SPRTN: variants seen among roughly 807,000 people sequenced by gnomAD.
SPRTN encodes the protein SprT-like N-terminal domain.
A neutral mutation model predicts 31.9 loss-of-function variants in SPRTN; 11 were observed. The ratio of observed to expected loss-of-function variants is 0.34; its 90% confidence interval spans 0.22 to 0.57. The LOEUF is 0.57. Ranked by LOEUF, SPRTN falls within the 20% of genes least tolerant of loss-of-function variation. The pLI is 0.86. For missense variants in SPRTN, 482 were observed against 590.1 expected (o/e 0.82, Z 1.90); for synonymous variants, 185 against 212.1 (o/e 0.87, Z 1.11).
chr1:231,350,783 G>C (rs1184084879), intron 3 of SPRTN, among the ~76,000 whole-genome samples: 1 of 151,904 alleles, frequency 6.6e-6, no homozygotes, highest in African/African-American at 2.4e-5. Context: ...TGGAGAGTGA[G>C]CTTAGCAGAA....
In SPRTN at chr1:231,339,607, G is replaced by T. The variant is rs1041221494; in HGVS notation, c.222-162G>T. ...ATCGCGGGAGGCGCCCGCGGGGGTT[G>T]TAACTAATTAATTAGGTGAAATGCA... On this transcript the variant is annotated intron_variant, in intron 1 of 4. Transcript: ENST00000295050. 6.0e-6 allele frequency: 5 copies of T among 829,692 alleles called. No individual in the cohort carries two copies. In the Admixed American group the frequency reaches 8.5e-5, roughly 14 times the overall value. 51.4% of individuals were successfully genotyped at this position (829,692 alleles called of 1,614,324 possible).
intron 2 of SPRTN, among the ~76,000 whole-genome samples, chr1:231,343,628 T>TC (rs1408123746): frequency 2.0e-5 from 3 of 152,080 alleles, no homozygotes; most frequent in Non-Finnish European, 4.4e-5. Flanking sequence ...ACGTCGTCTT[T>TC]ACCACAGCCA....
chr1:231,353,640 G>T lies in SPRTN; in HGVS notation c.*279G>T. ...TACTTTTGTTCTTTCTTGCTCTTAA[G>T]GATTTTAAAAACCTGTTAATCTTTT... is the stretch of plus-strand genomic sequence containing the variant. On this transcript the variant is annotated 3_prime_UTR_variant, in exon 5 of 5. Transcript: ENST00000295050. 4 of 1,069,618 alleles carry T rather than the reference G, an allele frequency of 3.7e-6. No homozygotes were observed. Among genetic ancestry groups the T allele is most frequent in the South Asian group, 4.2e-5 (1 of 23,928 alleles). 66.3% of individuals were successfully genotyped at this position (1,069,618 alleles called of 1,614,324 possible).
At chr1:231,347,729 TAAG>T in intron 2 of SPRTN, 65 bp from the exon 3 acceptor site, 3 of 1,523,304 alleles carry the variant, frequency 2.0e-6, no homozygotes, top group Non-Finnish European at 2.6e-6. Context: ...CCAGATAGAA[TAAG>T]AAAATTTATA....
chr1:231,351,958 A>G (rs1291129677), intron 4 of SPRTN: 1 of 1,011,888 alleles, frequency 9.9e-7, no homozygotes, highest in African/African-American at 1.7e-5. Context: ...CAATAATTCA[A>G]GTAACAATGC....
rs995952125 is a variant in SPRTN, at chr1:231,352,246, A to G, written c.719-364A>G. The G allele has an allele frequency of 6.9e-6, 7 of 1,008,018 alleles. No individual in the cohort carries two copies. The African/African-American group carries it at 1.2e-4, about 17-fold the overall frequency. 62.4% of individuals were successfully genotyped at this position (1,008,018 alleles called of 1,614,324 possible). Reference sequence around the variant, plus strand: ...AGATGAATTGATATGGAAAGACCGTATCTTCATTTTCGTGAGTAGAAGGAA... The same window carrying G: ...AGATGAATTGATATGGAAAGACCGTGTCTTCATTTTCGTGAGTAGAAGGAA... On this transcript the variant is annotated intron_variant, in intron 4 of 4. Transcript: ENST00000295050.
intron 3 of SPRTN, among the ~76,000 whole-genome samples, chr1:231,349,090 C>T (rs1287101729): frequency 6.6e-6 from 1 of 152,124 alleles, no homozygotes; most frequent in Non-Finnish European, 1.5e-5. Context: ...CCCACCTCAG[C>T]CTCCTGAGTA....
At chr1:231,347,672 G>A in intron 2 of SPRTN, 125 bp from the exon 3 acceptor site, 2 of 1,169,500 alleles carry the variant, frequency 1.7e-6, no homozygotes, top group East Asian at 2.6e-5. Context: ...CCTAGAATGA[G>A]TTTTATCAGT....
Position 231,338,410 on chromosome 1 carries a change from G to T in SPRTN, c.27G>T (p.Leu9=), listed in dbSNP as rs137949115. 1.2e-6 allele frequency: 2 copies of T among 1,614,276 alleles called. No homozygotes were observed. Among genetic ancestry groups the T allele is most frequent in the South Asian group, 1.1e-5 (1 of 91,090 alleles). MDDDLMLA[L]RLQEEWNLQE... is the part of the protein sequence containing the mutation. ...TGGATGATGACTTGATGTTGGCACT[G>T]CGGCTTCAGGAGGAGTGGAACTTGC... Residue 9 remains leucine, a synonymous_variant, in exon 1 of 5, where the codon CTG becomes CTT. Coordinates refer to ENST00000295050, the MANE Select transcript of SPRTN (RefSeq NM_032018.7).
At position 231,351,403 on chromosome 1, in the gene SPRTN, AAACGAGCTACT is replaced by A; in HGVS notation, c.554_564del (p.Arg185GlnfsTer7). On this transcript the variant is annotated frameshift_variant, in exon 4 of 5. Coordinates refer to ENST00000295050, the MANE Select transcript of SPRTN (RefSeq NM_032018.7). LOFTEE classifies it high-confidence loss of function. Reference sequence around the variant, plus strand: ...CAGGCCACCGTATTACGGCTATGTCAAACGAGCTACTAACAGGGAACCCTCTGCTCATGACT... The same window carrying A: ...CAGGCCACCGTATTACGGCTATGTCAAACAGGGAACCCTCTGCTCATGACT... The A allele has an allele frequency of 6.2e-7, 1 of 1,614,138 alleles. No homozygotes were observed. The highest frequency in any genetic ancestry group is 8.5e-7 in the Non-Finnish European group (1 of 1,180,022).
chr1:231,348,540 A>T (rs1163758249), intron 3 of SPRTN, among the ~76,000 whole-genome samples: 1 of 152,198 alleles, frequency 6.6e-6, no homozygotes, highest in African/African-American at 2.4e-5. Context: ...ATTAAATATT[A>T]GTTTTATTGT....
chr1:231,339,562 G>T, intron 1 of SPRTN: 1 of 742,762 alleles, frequency 1.3e-6, no homozygotes, highest in Non-Finnish European at 2.4e-6. Context: ...TTCCTTCCTT[G>T]CCCGGCGGGG....
At chr1:231,343,433 A>G (rs1450701619) in intron 2 of SPRTN, among the ~76,000 whole-genome samples, 1 of 152,198 alleles carries the variant, frequency 6.6e-6, no homozygotes, top group East Asian at 1.9e-4. Context: ...TTTTCAGAAC[A>G]TATCCCTGCC....
At chr1:231,345,273 G>A (rs1385405655) in intron 2 of SPRTN, among the ~76,000 whole-genome samples, 3 of 151,672 alleles carry the variant, frequency 2.0e-5, no homozygotes, top group Non-Finnish European at 4.4e-5. Flanking sequence ...GATTACAGGC[G>A]CCCGCCACCA....
At chr1:231,341,632 T>C (rs922528502) in intron 2 of SPRTN, among the ~76,000 whole-genome samples, 4 of 152,102 alleles carry the variant, frequency 2.6e-5, no homozygotes, top group African/African-American at 9.7e-5. Context: ...ATACATAATC[T>C]CTCCAAAAGT....
chr1:231,348,624 T>G (rs1687132991), intron 3 of SPRTN, among the ~76,000 whole-genome samples: 1 of 152,204 alleles, frequency 6.6e-6, no homozygotes, highest in Admixed American at 6.5e-5. Flanking sequence ...TCTCTTTAAC[T>G]GCACTTTTGA....
Position 231,351,541 on chromosome 1 carries a change from A to G in SPRTN, c.688A>G (p.Lys230Glu). Residue 230 changes from lysine (K) to glutamate (E), a missense_variant, in exon 4 of 5, where the codon AAG becomes GAG. Lys to Glu is a moderately conservative substitution (Grantham distance 56). This residue lies in a region of SPRTN where 325 missense variants were observed against 350.2 expected (regional missense o/e 0.93). Transcript: ENST00000295050. The stretch of plus-strand genomic sequence containing the variant: ...AGGCAAAGGAAAGGCAAAACTAGGA[A>G]AGGAACCAGTATTGGCCGCAGAGAA... ...KKGKGKAKLG[K>E]EPVLAAENKD... is the part of the protein sequence containing the mutation. 6.2e-7 allele frequency: 1 copy of G among 1,614,192 alleles called. No individual in the cohort carries two copies. Among genetic ancestry groups the G allele is most frequent in the Non-Finnish European group, 8.5e-7 (1 of 1,180,014 alleles).
chr1:231,350,529 G>A (rs1218828772), intron 3 of SPRTN, among the ~76,000 whole-genome samples: 1 of 151,900 alleles, frequency 6.6e-6, no homozygotes, highest in Non-Finnish European at 1.5e-5. Flanking sequence ...TGAAAAAGAA[G>A]GCATCCTACT....
chr1:231,339,923 T>A (rs1686814642), intron 2 of SPRTN, 55 bp downstream of exon 2: 15 of 1,513,660 alleles, frequency 9.9e-6, no homozygotes, highest in Non-Finnish European at 1.4e-5. Context: ...TACTTGTCAA[T>A]GATTTAGACT....
Sources: gnomAD v4.1 joint callset for allele counts (sites outside exome capture counted in the v4.1 genomes callset) on GRCh38, gnomAD v4.1.1 for gene constraint, gnomAD v4.1.1 regional missense constraint, MANE v1.5 for transcripts, NCBI Gene and HGNC (gene_info 2026-07-23, HGNC 2026-07-21) for gene names.